The following FAM53A variants were observed in gnomAD, a reference collection of about 807,000 sequenced individuals.
FAM53A encodes the protein family with sequence similarity 53 member A.
A neutral mutation model predicts 26.6 loss-of-function variants in FAM53A; 28 were observed. The observed-to-expected ratio is 1.05, with a 90% CI of 0.78 to 1.45. The LOEUF is 1.45. Among genes scored for constraint, FAM53A ranks in the 40% most tolerant of loss-of-function variants. The probability of loss-of-function intolerance (pLI) is 0.00; values close to 1 mark genes in which losing one functional copy is unlikely to be tolerated. For missense variants in FAM53A, 650 were observed against 575.8 expected, an observed-to-expected ratio of 1.13 and a Z score of -1.32; for synonymous variants, 290 against 253.1, an observed-to-expected ratio of 1.15 and a Z score of -1.38.
the FAM53A span, chr4:1,574,479 T>C: frequency 6.6e-6 from 1 of 152,492 alleles, no homozygotes; most frequent in African/African-American, 2.4e-5. Context: ...GGAGAGTCAG[T>C]GAAGCCCCCA....
the FAM53A span, among the ~76,000 whole-genome samples, chr4:1,584,473 TA>T: frequency 5.3e-5 from 8 of 152,274 alleles, no homozygotes; most frequent in Non-Finnish European, 7.3e-5. Flanking sequence ...CCTTGCATCT[TA>T]AAACAAGTAT....
At chr4:1,624,297 C>T (rs1380958963) in intron 1 of FAM53A, among the ~76,000 whole-genome samples, 2 of 152,174 alleles carry the variant, frequency 1.3e-5, no homozygotes, top group Non-Finnish European at 2.9e-5. Context: ...ACGCAGGGCT[C>T]ACCAGGGATG....
the FAM53A span, chr4:1,580,189 C>G: frequency 3.9e-5 from 6 of 152,202 alleles, no homozygotes; most frequent in Admixed American, 3.3e-4. Flanking sequence ...GTAATGAACT[C>G]CCACCGTTCC....
At position 1,655,010 on chromosome 4, in the gene FAM53A, G is replaced by A. The variant is rs371975302; in HGVS notation, c.850C>T (p.Arg284Cys). 1.5e-5 allele frequency: 23 copies of A among 1,549,646 alleles called. No homozygotes were observed. The highest frequency in any genetic ancestry group is 3.5e-6 in the Non-Finnish European group (4 of 1,148,902). The change falls in exon 4 of 5, where the codon CGC becomes TGC. Residue 284 changes from arginine (R) to cysteine (C), a missense_variant. Transcript: ENST00000308132. Reference protein sequence around the residue: ...RRREEDARWTRPSLDFLKMTQ... With the variant: ...RRREEDARWTCPSLDFLKMTQ... The stretch of plus-strand genomic sequence containing the variant: ...ATTTTCAGGAAGTCCAAGGATGGGC[G>A]TGTCCACCTGGCGTCCTCCTCACGC...
chr4:1,578,409 G>A, the FAM53A span, among the ~76,000 whole-genome samples: 2 of 136,986 alleles, frequency 1.5e-5, no homozygotes, highest in East Asian at 4.1e-4. Context: ...GGACAGCGGT[G>A]CGTGCGCTAG....
At chr4:1,589,682 C>T in the FAM53A span, among the ~76,000 whole-genome samples, 11 of 152,048 alleles carry the variant, frequency 7.2e-5, no homozygotes, top group Non-Finnish European at 1.2e-4. Flanking sequence ...GAAATGTATT[C>T]GTTTTATTTG....
intron 2 of FAM53A, among the ~76,000 whole-genome samples, chr4:1,661,831 G>T (rs1374415751): frequency 1.3e-5 from 2 of 152,076 alleles, no homozygotes; most frequent in South Asian, 4.1e-4. Flanking sequence ...ATTTGCATTA[G>T]GACGCAGCAT....
In FAM53A at chr4:1,667,104, G is replaced by A. The variant is rs555485010; in HGVS notation, c.75+1563C>T. ...GATTGTGCCATTGCACTCCAGCCTG[G>A]GCGACAGAGCAAGACTCCATCTCAA... is the stretch of plus-strand genomic sequence containing the variant. On this transcript the variant is annotated intron_variant, in intron 2 of 4. Transcript: ENST00000308132. 4.3e-3 allele frequency among the ~76,000 whole-genome samples: 643 copies of A among 151,134 alleles called. 6 individuals carry two copies. The highest frequency in any genetic ancestry group is 0.015 in the African/African-American group (618 of 41,240).
the FAM53A span, among the ~76,000 whole-genome samples, chr4:1,612,308 T>C: frequency 6.6e-6 from 1 of 152,232 alleles, no homozygotes; most frequent in African/African-American, 2.4e-5. Flanking sequence ...GAAGTGCAGA[T>C]TGCTGTATTT....
At chr4:1,604,944 C>A in the FAM53A span, among the ~76,000 whole-genome samples, 1 of 152,136 alleles carries the variant, frequency 6.6e-6, no homozygotes, top group African/African-American at 2.4e-5. Flanking sequence ...CTCCTGCCCC[C>A]TCTCAACACG....
Position 1,641,360 on chromosome 4 carries a change from A to C in FAM53A, c.1130T>G (p.Val377Gly). The stretch of plus-strand genomic sequence containing the variant: ...CCGGGGGAAGACGCCCTCCTCCCCG[A>C]CACTGTCCCCATCACGGGGGTCCCC... ...SSGDPRDGDS[V>G]GEEGVFPRAR... The change falls in exon 5 of 5, where the codon GTC (valine) becomes GGC (glycine). Residue 377 changes from valine (V) to glycine (G), a missense_variant. Coordinates refer to ENST00000308132, the MANE Select transcript of FAM53A (RefSeq NM_001174070.3). 6.2e-7 allele frequency: 1 copy of C among 1,611,294 alleles called. No individual in the cohort carries two copies. The highest frequency in any genetic ancestry group is 8.5e-7 in the Non-Finnish European group (1 of 1,179,282).
chr4:1,675,413 G>A (rs144172880), intron 1 of FAM53A, among the ~76,000 whole-genome samples: 1 of 152,276 alleles, frequency 6.6e-6, no homozygotes, highest in East Asian at 1.9e-4. Flanking sequence ...GCACTGCCCT[G>A]AGCCCAGGTG....
chr4:1,624,068 TC>T (rs1296203045), intron 1 of FAM53A, among the ~76,000 whole-genome samples: 2 of 152,186 alleles, frequency 1.3e-5, no homozygotes, highest in Non-Finnish European at 2.9e-5. Context: ...CCTGTCCTAC[TC>T]CAGCTGTGTC....
At chr4:1,666,946 G>T (rs1267704051) in intron 2 of FAM53A, among the ~76,000 whole-genome samples, 1 of 152,196 alleles carries the variant, frequency 6.6e-6, no homozygotes, top group African/African-American at 2.4e-5. Context: ...TGACCAACAT[G>T]GTGAAACCCT....
chr4:1,624,280 G>A (rs1417871255), intron 1 of FAM53A, among the ~76,000 whole-genome samples: 1 of 152,180 alleles, frequency 6.6e-6, no homozygotes, highest in African/African-American at 2.4e-5. Flanking sequence ...AGGCAGGGTG[G>A]GGCTGGACGC....
intron 1 of FAM53A, among the ~76,000 whole-genome samples, chr4:1,673,678 G>A (rs1442752168): frequency 6.6e-6 from 1 of 152,212 alleles, no homozygotes; most frequent in African/African-American, 2.4e-5. Context: ...AGGTTGCAGT[G>A]AGCCGAAATC....
At chr4:1,685,594 C>T (rs1577170933), upstream of FAM53A, among the ~76,000 whole-genome samples, 1 of 152,124 alleles carries the variant, frequency 6.6e-6, no homozygotes, top group Non-Finnish European at 1.5e-5. Context: ...AAGGCTAGTC[C>T]GGTGCAGGCT....
At chr4:1,680,583 G>A (rs982964786) in intron 1 of FAM53A, among the ~76,000 whole-genome samples, 3 of 152,186 alleles carry the variant, frequency 2.0e-5, no homozygotes, top group African/African-American at 4.8e-5. Context: ...AAGATTTCCT[G>A]TAGGTGAGCA....
chr4:1,664,833 C>T (rs1211656891), intron 2 of FAM53A, among the ~76,000 whole-genome samples: 1 of 151,512 alleles, frequency 6.6e-6, no homozygotes, highest in South Asian at 2.1e-4. Flanking sequence ...CAAAAATTAG[C>T]TGGGCTTGGT....
Sources: allele counts gnomAD v4.1 joint callset (sites outside exome capture counted in the v4.1 genomes callset), GRCh38; gene constraint gnomAD v4.1.1; transcripts MANE v1.5; gene names NCBI Gene and HGNC (gene_info 2026-07-23, HGNC 2026-07-21).